The following PHACTR3 variants were observed in gnomAD, a reference collection of about 807,000 sequenced individuals.
PHACTR3 encodes protein phosphatase 1, regulatory subunit 123.
A neutral mutation model predicts 66.8 loss-of-function variants in PHACTR3; 16 were observed. The observed-to-expected ratio is 0.24, with a 90% CI of 0.16 to 0.36. PHACTR3 has a LOEUF of 0.36. Among genes scored for constraint, PHACTR3 ranks in the 10% least tolerant of loss-of-function variants. The probability of loss-of-function intolerance (pLI) is 1.00; values close to 1 mark genes in which losing one functional copy is unlikely to be tolerated. For synonymous variants in PHACTR3, 323 were observed against 292.1 expected (o/e 1.11, Z -1.08); for missense variants, 647 against 719.9 (o/e 0.90, Z 1.16).
At chr20:59,757,280 C>T (rs1396538081) in intron 4 of PHACTR3, among the ~76,000 whole-genome samples, 4 of 152,246 alleles carry the variant, frequency 2.6e-5, no homozygotes, top group Admixed American at 6.5e-5. Flanking sequence ...GCCTGCTCCC[C>T]TCAGTGCCCT....
chr20:59,714,503 G>A (rs1006637261), intron 1 of PHACTR3, among the ~76,000 whole-genome samples: 9 of 152,180 alleles, frequency 5.9e-5, no homozygotes, highest in African/African-American at 1.9e-4. Flanking sequence ...TACACTGCGT[G>A]GGTCTATTTC....
At chr20:59,833,461 A>G (rs796871133) in intron 8 of PHACTR3, among the ~76,000 whole-genome samples, 9 of 152,310 alleles carry the variant, frequency 5.9e-5, no homozygotes, top group African/African-American at 2.2e-4. Context: ...ATTGTCACAA[A>G]CATTTTTGTG....
chr20:59,702,505 A>T (rs1478412245), intron 1 of PHACTR3, among the ~76,000 whole-genome samples: 1 of 152,214 alleles, frequency 6.6e-6, no homozygotes, highest in African/African-American at 2.4e-5. Flanking sequence ...TGCCAAGCAA[A>T]TGTCCCTCAC....
At chr20:59,695,119 A>C (rs1336213208) in intron 1 of PHACTR3, among the ~76,000 whole-genome samples, 2 of 152,148 alleles carry the variant, frequency 1.3e-5, no homozygotes, top group East Asian at 3.8e-4. Flanking sequence ...ATCCTGGCTG[A>C]GTTTATTACC....
chr20:59,751,851 C>T (rs932273550), intron 3 of PHACTR3, among the ~76,000 whole-genome samples: 4 of 151,988 alleles, frequency 2.6e-5, no homozygotes, highest in African/African-American at 9.7e-5. Context: ...CTCGGATATC[C>T]GTGACTAAGT....
In PHACTR3 at chr20:59,830,165, G is replaced by GGAAGAGGGTGTGCGTGTCTGA. The variant is rs1568864472; in HGVS notation, c.1329-6340_1329-6339insGAAGAGGGTGTGCGTGTCTGA. Among the ~76,000 whole-genome samples, 4 of 150,502 alleles carry GGAAGAGGGTGTGCGTGTCTGA rather than the reference G, an allele frequency of 2.7e-5. No homozygotes were observed. The highest frequency in any genetic ancestry group is 9.9e-5 in the African/African-American group (4 of 40,500). On this transcript the variant is annotated intron_variant, in intron 8 of 12. Coordinates refer to ENST00000371015, the MANE Select transcript of PHACTR3 (RefSeq NM_080672.5). This position sits in a 1 kb window ranked among gnomAD's most constrained non-coding sequence, Gnocchi z 5.8. ...ACAGACAGGAGCATGTGCGTGTCTG[G>GGAAGAGGGTGTGCGTGTCTGA]TGGAAGAGGGTGTGCGTGTCTGATG...
At chr20:59,745,386 G>A (rs2146778537) in intron 2 of PHACTR3, among the ~76,000 whole-genome samples, 1 of 152,302 alleles carries the variant, frequency 6.6e-6, no homozygotes, top group East Asian at 1.9e-4. Context: ...ACTCCAAGCT[G>A]TGCCGTGTGA....
chr20:59,648,381 T>TA (rs1382482382), intron 1 of PHACTR3, among the ~76,000 whole-genome samples: 1 of 152,196 alleles, frequency 6.6e-6, no homozygotes, highest in Non-Finnish European at 1.5e-5. Flanking sequence ...TCAGCTTCTT[T>TA]AAAATCACAT....
chr20:59,643,521 A>G (rs1473915668), intron 1 of PHACTR3, among the ~76,000 whole-genome samples: 1 of 152,244 alleles, frequency 6.6e-6, no homozygotes, highest in Non-Finnish European at 1.5e-5. Flanking sequence ...AATTCTGCAC[A>G]AAACAGTGCC....
intron 1 of PHACTR3, among the ~76,000 whole-genome samples, chr20:59,668,650 T>C (rs1479857002): frequency 6.6e-6 from 1 of 152,224 alleles, no homozygotes; most frequent in Non-Finnish European, 1.5e-5. Flanking sequence ...GGAAATGACA[T>C]GTGCCTTAGA....
intron 1 of PHACTR3, among the ~76,000 whole-genome samples, chr20:59,618,660 G>A (rs2034121436): frequency 6.6e-6 from 1 of 152,240 alleles, no homozygotes; most frequent in Non-Finnish European, 1.5e-5. Flanking sequence ...ACCCCATGGT[G>A]CAGCCAAAGG....
chr20:59,689,133 A>G (rs1229775175), intron 1 of PHACTR3, among the ~76,000 whole-genome samples: 1 of 152,210 alleles, frequency 6.6e-6, no homozygotes, highest in Non-Finnish European at 1.5e-5. Context: ...CAGGCTTTTC[A>G]TGATGCCGGG....
At chr20:59,654,276 G>T (rs755718736) in intron 1 of PHACTR3, among the ~76,000 whole-genome samples, 2 of 151,890 alleles carry the variant, frequency 1.3e-5, no homozygotes, top group African/African-American at 4.8e-5. Flanking sequence ...TATATTTCAG[G>T]GTAACCAAAT....
At chr20:59,679,058 C>A (rs2036554627) in intron 1 of PHACTR3, among the ~76,000 whole-genome samples, 1 of 152,138 alleles carries the variant, frequency 6.6e-6, no homozygotes, top group Admixed American at 6.5e-5. Context: ...GAGATCACGG[C>A]AGAGGGTTGG....
chr20:59,691,484 T>C (rs2037104363), intron 1 of PHACTR3, among the ~76,000 whole-genome samples: 1 of 152,180 alleles, frequency 6.6e-6, no homozygotes, highest in Non-Finnish European at 1.5e-5. Context: ...TGTCTATTTT[T>C]GGACTTTTCA....
chr20:59,841,820 C>T (rs2059068325), intron 11 of PHACTR3, among the ~76,000 whole-genome samples: 1 of 152,102 alleles, frequency 6.6e-6, no homozygotes, highest in Non-Finnish European at 1.5e-5. Flanking sequence ...GGACACTGCT[C>T]AGCATCTCAC....
chr20:59,688,067 T>C (rs984966176), intron 1 of PHACTR3, among the ~76,000 whole-genome samples: 1 of 152,180 alleles, frequency 6.6e-6, no homozygotes. Context: ...CAGAATGGAA[T>C]TACACTGACT....
At chr20:59,632,459 C>T (rs780927929) in intron 1 of PHACTR3, among the ~76,000 whole-genome samples, 17 of 152,216 alleles carry the variant, frequency 1.1e-4, no homozygotes, top group African/African-American at 4.1e-4. Context: ...CAAGAAGTCA[C>T]AGAGCTGGTC....
At chr20:59,761,284 G>A (rs1424549023) in intron 4 of PHACTR3, among the ~76,000 whole-genome samples, 1 of 152,076 alleles carries the variant, frequency 6.6e-6, no homozygotes, top group Non-Finnish European at 1.5e-5. Context: ...ACTGCCTGGG[G>A]CCTATGCTGG....
Sources: gnomAD v4.1 joint callset for allele counts (sites outside exome capture counted in the v4.1 genomes callset) on GRCh38, gnomAD v4.1.1 for gene constraint, Gnocchi (gnomAD v3.1) non-coding constraint, MANE v1.5 for transcripts, NCBI Gene and HGNC (gene_info 2026-07-23, HGNC 2026-07-21) for gene names.